GIN1: variants seen among roughly 807,000 people sequenced by gnomAD.
GIN1 encodes gypsy retrotransposon integrase 1.
A neutral mutation model predicts 51.4 loss-of-function variants in GIN1; 41 were observed. That is an observed-to-expected ratio of 0.80 (90% CI 0.62 to 1.04). The LOEUF (loss-of-function observed/expected upper bound fraction) is 1.04, where lower values mean the gene tolerates loss of function less well. GIN1 is among the 50% of genes least tolerant of loss of function. The probability of loss-of-function intolerance (pLI) is 0.00; values close to 1 mark genes in which losing one functional copy is unlikely to be tolerated. For synonymous variants in GIN1, 222 were observed against 206.5 expected (o/e 1.07, Z -0.64); for missense variants, 610 against 612.4 (o/e 1.00, Z 0.04).
At chr5:103,100,375 G>A (rs1401567154) in intron 4 of GIN1, among the ~76,000 whole-genome samples, 3 of 151,364 alleles carry the variant, frequency 2.0e-5, no homozygotes, top group African/African-American at 4.9e-5. Context: ...ATGAGCCACT[G>A]AGCACAGCCT....
rs182973945 is a variant in GIN1, at chr5:103,115,698, T to C, written c.-8+4366A>G. Among the ~76,000 whole-genome samples, 354 of 152,256 alleles carry C rather than the reference T, an allele frequency of 2.3e-3. 1 individual carries two copies. The highest frequency in any genetic ancestry group is 8.2e-4 in the Non-Finnish European group (56 of 67,980). ...ATGGTAAATTTCATGTTATGTGTGA[T>C]TTACTACAATTAAAACAATTTTTTT... On this transcript the variant is annotated intron_variant, in intron 1 of 7. Transcript: ENST00000399004.
intron 1 of GIN1, among the ~76,000 whole-genome samples, chr5:103,116,700 C>A (rs1788041205): frequency 6.6e-6 from 1 of 151,982 alleles, no homozygotes; most frequent in Non-Finnish European, 1.5e-5. Flanking sequence ...TGATAAATAA[C>A]TTTTTCTAGA....
chr5:103,090,610 C>T (rs112154132), intron 7 of GIN1, among the ~76,000 whole-genome samples: 16 of 151,868 alleles, frequency 1.1e-4, no homozygotes, highest in African/African-American at 3.9e-4. Flanking sequence ...TAAGAAATGC[C>T]CAAAGACTCT....
chr5:103,118,412 CTT>C (rs1384539736), intron 1 of GIN1, among the ~76,000 whole-genome samples: 1 of 152,074 alleles, frequency 6.6e-6, no homozygotes, highest in Non-Finnish European at 1.5e-5. Context: ...ACATAAAACC[CTT>C]TCTTTTCCCA....
intron 4 of GIN1, among the ~76,000 whole-genome samples, chr5:103,100,913 A>C (rs1056434413): frequency 6.6e-6 from 1 of 152,120 alleles, no homozygotes; most frequent in African/African-American, 2.4e-5. Context: ...TTGATGCCTA[A>C]TTTCCTATCA....
Position 103,106,733 on chromosome 5 carries a change from T to G in GIN1, c.316A>C (p.Asn106His). 1 of 1,589,502 alleles carries G rather than the reference T, an allele frequency of 6.3e-7. No homozygotes were observed. Among genetic ancestry groups the G allele is most frequent in the East Asian group, 2.3e-5 (1 of 44,264 alleles). Residue 106 changes from asparagine (N) to histidine (H), a missense_variant, in exon 3 of 8, where the codon AAT becomes CAT. Transcript: ENST00000399004. ...ESNYYWTSVT[N>H]DVKQWVYACQ... ...AGCCATACCCACTGTTTGACATCAT[T>G]GGTCACAGATGTCCAATAATAATTG...
intron 6 of GIN1, 83 bp downstream of exon 6, chr5:103,097,231 A>G: frequency 1.3e-6 from 1 of 787,906 alleles, no homozygotes; most frequent in East Asian, 2.7e-5. Flanking sequence ...GTGTGCATGC[A>G]CACATGTATA....
chr5:103,119,289 C>A (rs1195285399), intron 1 of GIN1, among the ~76,000 whole-genome samples: 8 of 152,140 alleles, frequency 5.3e-5, no homozygotes. Context: ...TAACTTGGAT[C>A]GGAATTCTGA....
chr5:103,097,272 T>C (rs376398924), intron 6 of GIN1, 42 bp downstream of exon 6: 5 of 1,199,850 alleles, frequency 4.2e-6, no homozygotes, highest in Admixed American at 4.1e-5. Flanking sequence ...ATATAACTTT[T>C]ATAAAGTTTT....
chr5:103,107,409 T>C (rs1252259774), intron 2 of GIN1, among the ~76,000 whole-genome samples: 4 of 152,054 alleles, frequency 2.6e-5, no homozygotes, highest in Admixed American at 2.6e-4. Flanking sequence ...AGCGGGCAAG[T>C]GGAAAAAACT....
At chr5:103,089,064 T>C (rs1787162690) in intron 7 of GIN1, among the ~76,000 whole-genome samples, 1 of 152,206 alleles carries the variant, frequency 6.6e-6, no homozygotes, top group African/African-American at 2.4e-5. Flanking sequence ...ATGGAGTAGC[T>C]TAAAAAGCTT....
At chr5:103,109,794 C>T (rs1041017823) in intron 1 of GIN1, among the ~76,000 whole-genome samples, 46 of 152,030 alleles carry the variant, frequency 3.0e-4, no homozygotes, top group African/African-American at 1.0e-3. Context: ...TGCAGCCTAT[C>T]ACAGTTTCTG....
chr5:103,100,241 A>T (rs1296945291), intron 4 of GIN1, among the ~76,000 whole-genome samples: 1 of 151,532 alleles, frequency 6.6e-6, no homozygotes, highest in African/African-American at 2.4e-5. Context: ...GCTGGACTAC[A>T]GGTGTGCCCT....
intron 1 of GIN1, among the ~76,000 whole-genome samples, chr5:103,117,653 C>T (rs1788079707): frequency 6.6e-6 from 1 of 151,674 alleles, no homozygotes; most frequent in South Asian, 2.1e-4. Context: ...GCTGAAACTG[C>T]CTAACAAAGC....
In GIN1 at chr5:103,097,488, T is replaced by C. The variant is rs191419143; in HGVS notation, c.834A>G (p.Glu278=). The C allele has an allele frequency of 3.3e-5, 51 of 1,533,374 alleles. No individual in the cohort carries two copies. In the African/African-American group the frequency reaches 6.5e-4, roughly 20 times the overall value. The allele number at this position is 1,533,374 out of a possible 1,614,324, so 95.0% of individuals were successfully genotyped here. ...VSFAFNVTHL[E]PTKNTPYFQM... is the part of the protein sequence containing the mutation. ...GAAAATATGGTGTATTTTTAGTAGG[T>C]TCCTATTTTAAAGAAAATAAACGTC... The change falls in exon 6 of 8, where the codon GAA becomes GAG. Residue 278 remains glutamate (E), a splice_region_variant and synonymous_variant. Transcript: ENST00000399004.
In GIN1 at chr5:103,086,981, T is replaced by C. The variant is rs1787091379; in HGVS notation, c.*917A>G. The C allele has an allele frequency of 6.6e-6, 1 of 152,216 alleles. No individual in the cohort carries two copies. Among genetic ancestry groups the C allele is most frequent in the African/African-American group, 2.4e-5 (1 of 41,452 alleles). The allele number at this position is 152,216 out of a possible 1,614,324, so 9.4% of individuals were successfully genotyped here. ...AAAAAATTCTTAACGGATACTTTTG[T>C]TGTTGTTGTTGAGACAGGTCTTGCC... On this transcript the variant is annotated 3_prime_UTR_variant, in exon 8 of 8. Coordinates refer to ENST00000399004, the MANE Select transcript of GIN1 (RefSeq NM_017676.2).
In GIN1 at chr5:103,088,147, T is replaced by A; in HGVS notation, c.1320A>T (p.Ser440=). The A allele has an allele frequency of 6.3e-7, 1 of 1,581,966 alleles. No homozygotes were observed. Among genetic ancestry groups the A allele is most frequent in the East Asian group, 2.3e-5 (1 of 43,760 alleles). The part of the protein sequence containing the change: ...EQESLYLLQG[S]VVADHDYIGL... ...CAATGTAGTCATGATCTGCCACTAC[T>A]GAACCTTGCAAGAGATAAAGACTTT... is the stretch of plus-strand genomic sequence containing the variant. Residue 440 remains serine (S), a synonymous_variant, in exon 8 of 8, where the codon TCA becomes TCT. Coordinates refer to ENST00000399004, the MANE Select transcript of GIN1 (RefSeq NM_017676.2).
intron 7 of GIN1, among the ~76,000 whole-genome samples, chr5:103,095,673 G>A (rs1356457475): frequency 1.3e-5 from 2 of 152,200 alleles, no homozygotes; most frequent in East Asian, 3.8e-4. Context: ...CGCAATCCCA[G>A]CACTTTGGGA....
intron 7 of GIN1, among the ~76,000 whole-genome samples, chr5:103,095,297 G>A (rs2151464211): frequency 6.6e-6 from 1 of 152,254 alleles, no homozygotes; most frequent in African/African-American, 2.4e-5. Flanking sequence ...TTGATAAAGT[G>A]GGGAACATAA....
Sources: gnomAD v4.1 joint callset for allele counts (sites outside exome capture counted in the v4.1 genomes callset) on GRCh38, gnomAD v4.1.1 for gene constraint, MANE v1.5 for transcripts, NCBI Gene and HGNC (gene_info 2026-07-23, HGNC 2026-07-21) for gene names.